HMCN1: variants seen among roughly 807,000 people sequenced by gnomAD.
HMCN1 encodes the protein hemicentin 1.
In HMCN1, 321 loss-of-function variants were observed where a neutral mutation model predicts 625.9. That is an observed-to-expected ratio of 0.51 (90% confidence interval 0.47 to 0.56). HMCN1 has a LOEUF of 0.56. HMCN1 is among the 20% of genes least tolerant of loss of function. The probability of loss-of-function intolerance (pLI) is 0.00; values close to 1 mark genes in which losing one functional copy is unlikely to be tolerated. For missense variants in HMCN1, 6,588 were observed against 6,887.3 expected (o/e 0.96, Z 1.54); for synonymous variants, 2,425 against 2,417.6 (o/e 1.00, Z -0.09).
chr1:186,002,133 G>T (rs1653243083), intron 28 of HMCN1, among the ~76,000 whole-genome samples: 1 of 152,038 alleles, frequency 6.6e-6, no homozygotes, highest in East Asian at 1.9e-4. Flanking sequence ...GAAGCTGCTA[G>T]GCTGTACTTG....
At position 185,984,262 on chromosome 1, in the gene HMCN1, G is replaced by A. The variant is rs749971157; in HGVS notation, c.2884G>A (p.Ala962Thr). 5 of 1,613,914 alleles carry A rather than the reference G, an allele frequency of 3.1e-6. No individual in the cohort carries two copies. Among genetic ancestry groups the A allele is most frequent in the Admixed American group, 1.7e-5 (1 of 60,010 alleles). ...GGATGGTGGTGAATATACTTGTGTG[G>A]CCAGTAACGTTGCTGGGACCAATAA... ...LQDGGEYTCV[A>T]SNVAGTNNKT... Residue 962 changes from alanine to threonine, a missense_variant, in exon 19 of 107, where the codon GCC becomes ACC. Physicochemically the swap from Ala to Thr is moderately conservative, Grantham distance 58. This residue lies in a region of HMCN1 where 4,628 missense variants were observed against 4,853.1 expected (regional missense o/e 0.95). Coordinates refer to ENST00000271588, the MANE Select transcript of HMCN1 (RefSeq NM_031935.3).
In HMCN1 at chr1:186,190,524, C is replaced by G. The variant is rs184234281; in HGVS notation, c.*646C>G. ...CAGTGATTTTGTGAGATCAGCTGAA[C>G]CACTTATGATAATAATAATAAAAAA... On this transcript the variant is annotated 3_prime_UTR_variant, in exon 107 of 107. Coordinates refer to ENST00000271588, the MANE Select transcript of HMCN1 (RefSeq NM_031935.3). The G allele has an allele frequency of 1.5e-5, 3 of 202,376 alleles. No homozygotes were observed. Among genetic ancestry groups the G allele is most frequent in the Admixed American group, 1.2e-4 (2 of 16,706 alleles). The allele number at this position is 202,376 out of a possible 1,614,324, so 12.5% of individuals were successfully genotyped here. A position where few individuals can be genotyped will look rare whatever the true frequency, so the allele number is the denominator to read the frequency against.
At chr1:185,839,243 A>T (rs1028918429) in intron 1 of HMCN1, among the ~76,000 whole-genome samples, 1 of 152,186 alleles carries the variant, frequency 6.6e-6, no homozygotes, top group African/African-American at 2.4e-5. Flanking sequence ...GAAAAATATT[A>T]ATGTTAAGGA....
rs1242843561 is a variant in HMCN1, at chr1:186,115,050, C to G, written c.11404+104C>G. On this transcript the variant is annotated intron_variant, in intron 74 of 106. Transcript: ENST00000271588. Reference sequence around the variant, plus strand: ...ATCTTGACATTGAAGGCTAGTTAAGCAATTTACATTATGGTATGAATAGCA... The same window carrying G: ...ATCTTGACATTGAAGGCTAGTTAAGGAATTTACATTATGGTATGAATAGCA... 3 of 1,519,466 alleles carry G rather than the reference C, an allele frequency of 2.0e-6. No homozygotes were observed. The East Asian group carries it at 6.8e-5, about 34-fold the overall frequency. 94.1% of individuals were successfully genotyped at this position (1,519,466 alleles called of 1,614,324 possible). A position where few individuals can be genotyped will look rare whatever the true frequency, so the allele number is the denominator to read the frequency against.
At chr1:185,835,544 A>G (rs1661114861) in intron 1 of HMCN1, among the ~76,000 whole-genome samples, 1 of 152,088 alleles carries the variant, frequency 6.6e-6, no homozygotes, top group African/African-American at 2.4e-5. Context: ...TTCAGACTGG[A>G]ACAAAATAAT....
At chr1:185,935,060 T>C (rs1667743191) in intron 11 of HMCN1, among the ~76,000 whole-genome samples, 1 of 152,146 alleles carries the variant, frequency 6.6e-6, no homozygotes, top group South Asian at 2.1e-4. Flanking sequence ...CGATCCAAGT[T>C]CTAGCAACTT....
intron 4 of HMCN1, among the ~76,000 whole-genome samples, chr1:185,896,390 C>A (rs915445986): frequency 4.2e-5 from 6 of 143,834 alleles, no homozygotes; most frequent in African/African-American, 1.7e-4. Context: ...GTATAATAAA[C>A]CTGTGTGTAA....
chr1:186,057,326 A>C lies in HMCN1; in HGVS notation c.7237A>C (p.Ile2413Leu). ...ATCTTTGACTTGTGAAGCTTCTGGA[A>C]TTCCCCTGCCTTCCATAACCTGGTT... ...SVSLTCEASG[I>L]PLPSITWFKD... Residue 2413 changes from isoleucine (I) to leucine (L), a missense_variant, in exon 46 of 107, where the codon ATT becomes CTT. By Grantham distance (5) the Ile-to-Leu change is conservative. Around this residue, in one of 3 missense-constraint regions of HMCN1, gnomAD observed 4,628 missense variants for 4,853.1 expected, o/e 0.95. Coordinates refer to ENST00000271588, the MANE Select transcript of HMCN1 (RefSeq NM_031935.3). 1 of 1,610,602 alleles carries C rather than the reference A, an allele frequency of 6.2e-7. No individual in the cohort carries two copies. Among genetic ancestry groups the C allele is most frequent in the Non-Finnish European group, 8.5e-7 (1 of 1,177,182 alleles).
At chr1:186,075,681 G>A (rs66772559) in intron 53 of HMCN1, among the ~76,000 whole-genome samples, 9,127 of 152,098 alleles carry the variant, frequency 0.06, 371 homozygotes, top group Admixed American at 0.14. Flanking sequence ...AATTATGTCT[G>A]TTTCACCAGT....
At chr1:186,130,485 C>T (rs761299682) in intron 84 of HMCN1, 22 bp from the exon 85 acceptor site, 5 of 1,604,924 alleles carry the variant, frequency 3.1e-6, no homozygotes, top group East Asian at 4.5e-5. Context: ...TTACTTTGTA[C>T]CTGTCTTATG....
chr1:186,101,385 A>G (rs1660376501), intron 68 of HMCN1, among the ~76,000 whole-genome samples: 2 of 152,134 alleles, frequency 1.3e-5, no homozygotes, highest in Admixed American at 1.3e-4. Flanking sequence ...ATACTGGAAA[A>G]AAACAAGTTT....
intron 1 of HMCN1, among the ~76,000 whole-genome samples, chr1:185,796,217 C>A (rs1042932614): frequency 6.6e-6 from 1 of 152,150 alleles, no homozygotes; most frequent in African/African-American, 2.4e-5. Flanking sequence ...CAACCTAGGT[C>A]CCTTCCATGC....
intron 13 of HMCN1, 97 bp from the exon 14 acceptor site, chr1:185,965,705 G>T: frequency 1.3e-6 from 1 of 773,126 alleles, no homozygotes. Flanking sequence ...ATGGCCACAA[G>T]CACATAAATT....
chr1:186,162,291 G>A (rs543320677), intron 97 of HMCN1, among the ~76,000 whole-genome samples: 13 of 152,106 alleles, frequency 8.5e-5, no homozygotes, highest in Non-Finnish European at 1.6e-4. Flanking sequence ...GCATTTCTCT[G>A]TATTGGTTAT....
At chr1:185,934,336 A>C (rs1214829967) in intron 11 of HMCN1, among the ~76,000 whole-genome samples, 1 of 152,128 alleles carries the variant, frequency 6.6e-6, no homozygotes, top group Non-Finnish European at 1.5e-5. Context: ...GTGGTTTTTA[A>C]CCTTATTTGT....
chr1:185,961,264 T>C (rs768994837), intron 11 of HMCN1, among the ~76,000 whole-genome samples: 4 of 152,216 alleles, frequency 2.6e-5, no homozygotes, highest in Non-Finnish European at 4.4e-5. Flanking sequence ...GGTTTCTTAG[T>C]GAAACTAAGC....
chr1:186,178,732 T>C lies in HMCN1; in HGVS notation c.16260T>C (p.Pro5420=), dbSNP rs1036703492. The C allele has an allele frequency of 6.2e-7, 1 of 1,613,842 alleles. No individual in the cohort carries two copies. Among genetic ancestry groups the C allele is most frequent in the Non-Finnish European group, 8.5e-7 (1 of 1,179,710 alleles). Residue 5420 remains proline (P), a synonymous_variant, in exon 104 of 107, where the codon CCT becomes CCC. Transcript: ENST00000271588. Reference sequence around the variant, plus strand: ...GAAGGACTATTAGGAAAACTTGCCCTGAAGGCTCTGAGGCAAGCCATGACA... The same window carrying C: ...GAAGGACTATTAGGAAAACTTGCCCCGAAGGCTCTGAGGCAAGCCATGACA... ...RTRRTIRKTC[P]EGSEASHDTC... is the part of the protein sequence containing the mutation.
intron 9 of HMCN1, among the ~76,000 whole-genome samples, chr1:185,925,631 T>C (rs980833864): frequency 1.3e-5 from 2 of 152,310 alleles, no homozygotes; most frequent in Admixed American, 6.5e-5. Flanking sequence ...GTGAATCTGG[T>C]AAGTGTAGAG....
At chr1:185,865,685 A>G in intron 3 of HMCN1, 56 bp from the exon 4 acceptor site, 10 of 1,506,996 alleles carry the variant, frequency 6.6e-6, no homozygotes, top group Non-Finnish European at 9.1e-6. Context: ...CAATACACAT[A>G]TTTTTTTATT....
Sources: gnomAD v4.1 joint callset for allele counts (sites outside exome capture counted in the v4.1 genomes callset) on GRCh38, gnomAD v4.1.1 for gene constraint, gnomAD v4.1.1 regional missense constraint, MANE v1.5 for transcripts, NCBI Gene and HGNC (gene_info 2026-07-23, HGNC 2026-07-21) for gene names.